The following SCRG1 variants were observed in gnomAD, a reference collection of about 807,000 sequenced individuals.
SCRG1 encodes scrapie-responsive protein 1.
In SCRG1, 3 loss-of-function variants were observed where a neutral mutation model predicts 7.7. The ratio of observed to expected loss-of-function variants is 0.39; its 90% CI spans 0.18 to 1.01. The LOEUF (loss-of-function observed/expected upper bound fraction) is 1.01, where lower values mean the gene tolerates loss of function less well. Ranked by LOEUF, SCRG1 falls within the 50% of genes least tolerant of loss-of-function variation. The pLI, the probability that SCRG1 is intolerant of heterozygous loss-of-function variation, is 0.36. For missense variants in SCRG1, 110 were observed against 117.2 expected (o/e 0.94, Z 0.28); for synonymous variants, 46 against 41.2 (o/e 1.12, Z -0.44).
the SCRG1 span, among the ~76,000 whole-genome samples, chr4:173,425,860 G>A: frequency 5.9e-5 from 9 of 152,260 alleles, no homozygotes; most frequent in Non-Finnish European, 8.8e-5. Flanking sequence ...ATAGTAATAG[G>A]CAATATTTAT....
the SCRG1 span, among the ~76,000 whole-genome samples, chr4:173,460,780 G>A: frequency 4.6e-5 from 7 of 152,182 alleles, no homozygotes; most frequent in Admixed American, 2.6e-4. Context: ...CACGATTCCA[G>A]GACTTGATTC....
At chr4:173,493,182 G>T in the SCRG1 span, among the ~76,000 whole-genome samples, 1 of 152,056 alleles carries the variant, frequency 6.6e-6, no homozygotes, top group Non-Finnish European at 1.5e-5. Flanking sequence ...GGAGGGGCTT[G>T]GTAGGAGGTA....
the SCRG1 span, among the ~76,000 whole-genome samples, chr4:173,473,436 G>T: frequency 6.6e-6 from 1 of 152,168 alleles, no homozygotes; most frequent in South Asian, 2.1e-4. Flanking sequence ...AGCCACCTGG[G>T]TGTAGGCGAT....
chr4:173,472,004 C>T, the SCRG1 span, among the ~76,000 whole-genome samples: 623 of 152,240 alleles, frequency 4.1e-3, 1 homozygote, highest in African/African-American at 0.012. Context: ...CCACCGTGCC[C>T]GGCTGGAAAA....
the SCRG1 span, among the ~76,000 whole-genome samples, chr4:173,439,857 C>T: frequency 6.6e-6 from 1 of 152,140 alleles, no homozygotes; most frequent in Non-Finnish European, 1.5e-5. Context: ...ATGATTCTTC[C>T]TTCTTTGTTT....
At chr4:173,485,670 TA>T in the SCRG1 span, among the ~76,000 whole-genome samples, 1 of 152,100 alleles carries the variant, frequency 6.6e-6, no homozygotes, top group Non-Finnish European at 1.5e-5. Flanking sequence ...GAAGTTGAAT[TA>T]GATTGTTAAA....
chr4:173,489,197 T>A, the SCRG1 span, among the ~76,000 whole-genome samples: 3 of 152,314 alleles, frequency 2.0e-5, no homozygotes, highest in South Asian at 2.1e-4. Context: ...AGAAGCTTTT[T>A]AAAAAATAAT....
chr4:173,419,513 C>T, the SCRG1 span: 242 of 740,876 alleles, frequency 3.3e-4, no homozygotes, highest in East Asian at 6.0e-3. Context: ...TATTAAGTAG[C>T]GCAGGTCATC....
intron 1 of SCRG1, among the ~76,000 whole-genome samples, chr4:173,405,203 T>C (rs1211757267): frequency 6.6e-6 from 1 of 152,220 alleles, no homozygotes; most frequent in Non-Finnish European, 1.5e-5. Flanking sequence ...TGAGGAATAC[T>C]GGTCAAGTAT....
chr4:173,409,456 C>T (rs1313946983), upstream of SCRG1, among the ~76,000 whole-genome samples: 2 of 152,086 alleles, frequency 1.3e-5, no homozygotes, highest in Admixed American at 1.3e-4. Context: ...TATCCTTTTG[C>T]TCCCATGAAA....
At chr4:173,483,515 T>TATATTATATATTGTATTCTGATATATA in the SCRG1 span, among the ~76,000 whole-genome samples, 1 of 12,208 alleles carries the variant, frequency 8.2e-5, no homozygotes, top group African/African-American at 2.6e-4. Flanking sequence ...TGATATATAA[T>TATATTATATATTGTATTCTGATATATA]ATATATTATA....
the SCRG1 span, among the ~76,000 whole-genome samples, chr4:173,461,112 G>A: frequency 4.6e-5 from 7 of 152,164 alleles, no homozygotes; most frequent in African/African-American, 1.2e-4. Context: ...CTCCTGGATG[G>A]CACTTCTGGG....
chr4:173,514,120 T>C, the SCRG1 span, among the ~76,000 whole-genome samples: 22 of 152,142 alleles, frequency 1.4e-4, no homozygotes, highest in Admixed American at 1.4e-3. Flanking sequence ...AAGTTGAAAA[T>C]TAGACTAGAA....
At chr4:173,493,070 G>A in the SCRG1 span, among the ~76,000 whole-genome samples, 7,010 of 152,194 alleles carry the variant, frequency 0.046, 545 homozygotes, top group African/African-American at 0.16. Flanking sequence ...GGAAGTCTCA[G>A]AAGTAACCGA....
the SCRG1 span, among the ~76,000 whole-genome samples, chr4:173,483,683 T>TGA: frequency 7.1e-4 from 7 of 9,806 alleles, no homozygotes; most frequent in Non-Finnish European, 9.3e-4. Flanking sequence ...ATATGATATA[T>TGA]TATATTGTGA....
chr4:173,418,272 T>C, the SCRG1 span, among the ~76,000 whole-genome samples: 1 of 152,356 alleles, frequency 6.6e-6, no homozygotes, highest in Non-Finnish European at 1.5e-5. Context: ...TGATATTTGC[T>C]GCCAGAGCAG....
the SCRG1 span, among the ~76,000 whole-genome samples, chr4:173,477,298 A>C: frequency 6.6e-6 from 1 of 152,168 alleles, no homozygotes; most frequent in Non-Finnish European, 1.5e-5. Flanking sequence ...GGTAGTCTGA[A>C]ATTTGAGATT....
chr4:173,519,125 A>G, the SCRG1 span, among the ~76,000 whole-genome samples: 1 of 151,394 alleles, frequency 6.6e-6, no homozygotes, highest in Non-Finnish European at 1.5e-5. Context: ...GAGTAAATGC[A>G]GAGAAAAAAT....
At chr4:173,450,001 C>T in the SCRG1 span, among the ~76,000 whole-genome samples, 1 of 152,188 alleles carries the variant, frequency 6.6e-6, no homozygotes, top group Non-Finnish European at 1.5e-5. Context: ...TGGTATTAGA[C>T]TGTTTTCACA....
Sources: gnomAD v4.1 joint callset for allele counts (sites outside exome capture counted in the v4.1 genomes callset) on GRCh38, gnomAD v4.1.1 for gene constraint, MANE v1.5 for transcripts, NCBI Gene and HGNC (gene_info 2026-07-23, HGNC 2026-07-21) for gene names.